The following MAVS variants were observed in gnomAD, a reference collection of about 807,000 sequenced individuals.
The protein encoded by MAVS is mitochondrial antiviral-signaling protein.
MAVS carries 20 observed loss-of-function variants against 30.2 expected under a neutral mutation model. The observed-to-expected ratio is 0.66, with a 90% CI of 0.47 to 0.96. The LOEUF (loss-of-function observed/expected upper bound fraction) is 0.96. Ranked by LOEUF, MAVS falls within the 40% of genes least tolerant of loss-of-function variation. MAVS has a pLI of 0.00. For synonymous variants in MAVS, 278 were observed against 293.9 expected, an observed-to-expected ratio of 0.95 and a Z score of 0.55; for missense variants, 624 against 701.1, an observed-to-expected ratio of 0.89 and a Z score of 1.24.
At chr20:3,863,397 G>C (rs2089881140) in intron 5 of MAVS, among the ~76,000 whole-genome samples, 1 of 152,196 alleles carries the variant, frequency 6.6e-6, no homozygotes, top group South Asian at 2.1e-4. Flanking sequence ...GAGGCTGGGA[G>C]ACGTCATCTT....
In MAVS at chr20:3,872,937, G is replaced by A. The variant is rs1301979639; in HGVS notation, c.*6790G>A. ...TCCCACCACCCACCAGTACAGTAGG[G>A]GGTGGTTTAATGGAGTGTTCCTGGA... On this transcript the variant is annotated 3_prime_UTR_variant, in exon 7 of 7. Transcript: ENST00000428216. 6.6e-6 allele frequency: 1 copy of A among 152,396 alleles called. No homozygotes were observed. The highest frequency in any genetic ancestry group is 2.4e-5 in the African/African-American group (1 of 41,430). The allele number at this position is 152,396 out of a possible 1,614,324, so 9.4% of individuals were successfully genotyped here.
chr20:3,859,231 G>C (rs2089840913), intron 3 of MAVS, among the ~76,000 whole-genome samples: 1 of 151,694 alleles, frequency 6.6e-6, no homozygotes, highest in Admixed American at 6.6e-5. Flanking sequence ...TCCCTGGCTG[G>C]GCACGGTGGC....
chr20:3,853,485 CAA>C (rs113226800), intron 1 of MAVS, among the ~76,000 whole-genome samples: 8 of 127,956 alleles, frequency 6.3e-5, no homozygotes, highest in Non-Finnish European at 8.4e-5. Flanking sequence ...GACTCCGTCT[CAA>C]AAAAAAAAAA....
rs1752836384 is a variant in MAVS at position 3,869,967 on chromosome 20, CTTG to C, written c.*3824_*3826del. On this transcript the variant is annotated 3_prime_UTR_variant, in exon 7 of 7. Transcript: ENST00000428216. Reference sequence around the variant, plus strand: ...GACTTGGCCTACTTTGAACAGCAAACTTGTTGCTGCTGTTGTCAACCTGAAGGC... The same window carrying C: ...GACTTGGCCTACTTTGAACAGCAAACTTGCTGCTGTTGTCAACCTGAAGGC... The C allele has an allele frequency of 2.0e-5, 3 of 152,378 alleles. No homozygotes were observed. The highest frequency in any genetic ancestry group is 1.3e-4 in the Admixed American group (2 of 15,276). 9.4% of individuals were successfully genotyped at this position (152,378 alleles called of 1,614,324 possible).
rs2089899293 is a variant in MAVS at position 3,865,523 on chromosome 20, A to AC, written c.1159-155dup. ...TTGGTGCAGATTCTTGGTCCCCTCT[A>AC]CCCCCACTGCTCCAAGAAAAGGTGG... On this transcript the variant is annotated intron_variant, in intron 6 of 6. Transcript: ENST00000428216. This position sits in a 1 kb window ranked among gnomAD's most constrained non-coding sequence, Gnocchi z 4.7. 6.6e-6 allele frequency among the ~76,000 whole-genome samples: 1 copy of AC among 151,638 alleles called. No homozygotes were observed. The highest frequency in any genetic ancestry group is 1.5e-5 in the Non-Finnish European group (1 of 67,882).
rs1317446871 is a variant in MAVS, at chr20:3,870,125, C to CA, written c.*3979dup. On this transcript the variant is annotated 3_prime_UTR_variant, in exon 7 of 7. Coordinates refer to ENST00000428216, the MANE Select transcript of MAVS (RefSeq NM_020746.5). ...GGGAAAGCCAGGCAGGTCACCCTCA[C>CA]AGCCAGATAATGTGGAGGTCAGAAC... 2 of 152,360 alleles carry CA rather than the reference C, an allele frequency of 1.3e-5. No homozygotes were observed. The highest frequency in any genetic ancestry group is 2.9e-5 in the Non-Finnish European group (2 of 68,076). The allele number at this position is 152,360 out of a possible 1,614,324, so 9.4% of individuals were successfully genotyped here.
chr20:3,856,619 G>C (rs533880463), intron 2 of MAVS, among the ~76,000 whole-genome samples: 3 of 151,884 alleles, frequency 2.0e-5, no homozygotes, highest in Admixed American at 2.0e-4. Context: ...CTGGGATTAC[G>C]GGTGTGAGCT....
chr20:3,851,313 GC>G (rs1456500644), intron 1 of MAVS, among the ~76,000 whole-genome samples: 2 of 150,976 alleles, frequency 1.3e-5, no homozygotes, highest in African/African-American at 2.4e-5. Context: ...GGGCAACAGA[GC>G]GAGACTCTTT....
chr20:3,858,991 C>A (rs955685607), intron 3 of MAVS, among the ~76,000 whole-genome samples: 1 of 151,838 alleles, frequency 6.6e-6, no homozygotes, highest in Non-Finnish European at 1.5e-5. Context: ...GTAGAGATGA[C>A]ATCTCACTAT....
chr20:3,850,461 A>AT (rs893127776), intron 1 of MAVS, among the ~76,000 whole-genome samples: 3 of 144,426 alleles, frequency 2.1e-5, no homozygotes, highest in Non-Finnish European at 4.5e-5. Flanking sequence ...GTGGTGGCTC[A>AT]TGCCTGTAAT....
At position 3,865,933 on chromosome 20, in the gene MAVS, T is replaced by C. The variant is rs369526385; in HGVS notation, c.1409T>C (p.Val470Ala). ...TCCGAGGGCACCTTTGGGATCCACG[T>C]GGCTGAGAACCCCAGCATCCAGCTC... The part of the protein sequence containing the change: ...YKSEGTFGIH[V>A]AENPSIQLLE... Residue 470 changes from valine (V) to alanine (A), a missense_variant, in exon 7 of 7, where the codon GTG (valine) becomes GCG (alanine). Physicochemically the swap from Val to Ala is moderately conservative, Grantham distance 64. Coordinates refer to ENST00000428216, the MANE Select transcript of MAVS (RefSeq NM_020746.5). This position sits in a 1 kb window ranked among gnomAD's most constrained non-coding sequence, Gnocchi z 4.7. The C allele has an allele frequency of 5.9e-5, 95 of 1,613,646 alleles. No homozygotes were observed. The highest frequency in any genetic ancestry group is 7.6e-5 in the Non-Finnish European group (90 of 1,179,894).
In MAVS at chr20:3,857,760, A is replaced by G. The variant is rs1402528415; in HGVS notation, c.243A>G (p.Leu81=). 1 of 1,614,182 alleles carries G rather than the reference A, an allele frequency of 6.2e-7. No homozygotes were observed. Among genetic ancestry groups the G allele is most frequent in the East Asian group, 2.2e-5 (1 of 44,882 alleles). Residue 81 remains leucine (L), a synonymous_variant, in exon 3 of 7, where the codon CTA becomes CTG. Coordinates refer to ENST00000428216, the MANE Select transcript of MAVS (RefSeq NM_020746.5). ...YFIAALRGCE[L]VDLADEVASV... ...TTGCGGCACTGAGGGGCTGTGAGCT[A>G]GTTGATCTCGCGGACGAAGTGGCCT...
chr20:3,870,496 C>T lies in MAVS; in HGVS notation c.*4349C>T, dbSNP rs923102412. On this transcript the variant is annotated 3_prime_UTR_variant, in exon 7 of 7. Coordinates refer to ENST00000428216, the MANE Select transcript of MAVS (RefSeq NM_020746.5). ...GCTAGGTGTTCTCAGATTTATGAGA[C>T]TTCTTAGTCAAATATGAGGGAGGTT... 2.0e-5 allele frequency: 3 copies of T among 151,988 alleles called. No individual in the cohort carries two copies. The highest frequency in any genetic ancestry group is 7.3e-5 in the African/African-American group (3 of 41,306). 9.4% of individuals were successfully genotyped at this position (151,988 alleles called of 1,614,324 possible).
Position 3,875,882 on chromosome 20 carries a change from A to C in MAVS, c.*9735A>C, listed in dbSNP as rs2089987667. On this transcript the variant is annotated 3_prime_UTR_variant, in exon 7 of 7. Transcript: ENST00000428216. ...TCCTCGCAATCAGACGCTATCTTCCAGTTAATCACTTCGCTTGTATTTAAC... is the reference window on the plus strand; with the variant it reads ...TCCTCGCAATCAGACGCTATCTTCCCGTTAATCACTTCGCTTGTATTTAAC... The C allele has an allele frequency of 6.6e-6, 1 of 152,428 alleles. No homozygotes were observed. Among genetic ancestry groups the C allele is most frequent in the Admixed American group, 6.5e-5 (1 of 15,284 alleles). 9.4% of individuals were successfully genotyped at this position (152,428 alleles called of 1,614,324 possible). A position where few individuals can be genotyped will look rare whatever the true frequency, so the allele number is the denominator to read the frequency against.
At chr20:3,860,321 G>A (rs768033617) in intron 3 of MAVS, among the ~76,000 whole-genome samples, 10 of 151,348 alleles carry the variant, frequency 6.6e-5, no homozygotes, top group Non-Finnish European at 8.8e-5. Context: ...TCTGCCTCCC[G>A]GGTTCAAGTG....
intron 1 of MAVS, among the ~76,000 whole-genome samples, chr20:3,851,196 C>T (rs561449392): frequency 1.3e-5 from 2 of 151,890 alleles, no homozygotes; most frequent in East Asian, 3.9e-4. Context: ...GGCATGGTGG[C>T]GTGTACCCGT....
chr20:3,863,039 A>T (rs1039221989), intron 5 of MAVS, among the ~76,000 whole-genome samples: 3 of 152,180 alleles, frequency 2.0e-5, no homozygotes, highest in African/African-American at 7.2e-5. Context: ...CGCTCTGCCA[A>T]AGGGACTGTA....
At chr20:3,848,834 C>T (rs1256312444) in intron 1 of MAVS, among the ~76,000 whole-genome samples, 1 of 152,188 alleles carries the variant, frequency 6.6e-6, no homozygotes, top group Non-Finnish European at 1.5e-5. Flanking sequence ...AAAAGGGCAC[C>T]TTCCATCCAC....
intron 1 of MAVS, among the ~76,000 whole-genome samples, chr20:3,849,387 T>C (rs1358396551): frequency 2.6e-5 from 4 of 152,090 alleles, no homozygotes; most frequent in Admixed American, 2.0e-4. Context: ...GTATTTTTAG[T>C]AGAGAAAGGG....
Sources: gnomAD v4.1 joint callset for allele counts (sites outside exome capture counted in the v4.1 genomes callset) on GRCh38, gnomAD v4.1.1 for gene constraint, Gnocchi (gnomAD v3.1) non-coding constraint, MANE v1.5 for transcripts, NCBI Gene and HGNC (gene_info 2026-07-23, HGNC 2026-07-21) for gene names.